MAPRE2: variants seen among roughly 807,000 people sequenced by gnomAD.
The protein encoded by MAPRE2 is microtubule-associated protein RP/EB family member 2.
MAPRE2 carries 13 observed loss-of-function variants against 43.2 expected under a neutral mutation model. The ratio of observed to expected loss-of-function variants is 0.30; its 90% CI spans 0.20 to 0.48. The LOEUF (loss-of-function observed/expected upper bound fraction) is 0.48. MAPRE2 is among the 20% of genes least tolerant of loss of function. The pLI, the probability that MAPRE2 is intolerant of heterozygous loss-of-function variation, is 0.99. For synonymous variants in MAPRE2, 135 were observed against 148.8 expected, an observed-to-expected ratio of 0.91 and a Z score of 0.68; for missense variants, 161 against 400.2, an observed-to-expected ratio of 0.40 and a Z score of 5.10.
At chr18:35,096,656 G>T (rs1908433035) in intron 2 of MAPRE2, among the ~76,000 whole-genome samples, 1 of 152,024 alleles carries the variant, frequency 6.6e-6, no homozygotes, top group Admixed American at 6.6e-5. Context: ...AAACCCCATT[G>T]CTCTGGACTG....
At chr18:35,005,731 A>C (rs548854899) in intron 2 of MAPRE2, among the ~76,000 whole-genome samples, 1 of 152,274 alleles carries the variant, frequency 6.6e-6, no homozygotes, top group South Asian at 2.1e-4. Flanking sequence ...CCATTTCCCA[A>C]GTGTACGAAG....
At chr18:35,030,919 C>A (rs755139216) in intron 2 of MAPRE2, among the ~76,000 whole-genome samples, 2 of 152,238 alleles carry the variant, frequency 1.3e-5, no homozygotes, top group Non-Finnish European at 2.9e-5. Context: ...GGCCTTTGCA[C>A]TTTCTGTTGG....
At chr18:35,048,531 A>G (rs1224945749) in intron 1 of MAPRE2, among the ~76,000 whole-genome samples, 1 of 150,288 alleles carries the variant, frequency 6.7e-6, no homozygotes, top group African/African-American at 2.4e-5. Flanking sequence ...ATTAACACAT[A>G]TACTACATAT....
At chr18:35,016,923 TC>T (rs2097038646) in intron 2 of MAPRE2, among the ~76,000 whole-genome samples, 1 of 151,964 alleles carries the variant, frequency 6.6e-6, no homozygotes, top group African/African-American at 2.4e-5. Context: ...TTTCTAGGAT[TC>T]TTACAAAGTC....
intron 4 of MAPRE2, among the ~76,000 whole-genome samples, chr18:35,125,944 A>C (rs781600494): frequency 6.6e-6 from 1 of 152,130 alleles, no homozygotes; most frequent in Non-Finnish European, 1.5e-5. Flanking sequence ...ACACATGTAA[A>C]TATCTTGTTC....
At chr18:35,032,722 T>C in intron 2 of MAPRE2, among the ~76,000 whole-genome samples, 1 of 152,142 alleles carries the variant, frequency 6.6e-6, no homozygotes, top group East Asian at 1.9e-4. Context: ...CCTGTTCTCA[T>C]GCTTCCAGCT....
chr18:35,034,703 A>C (rs1382548316), intron 2 of MAPRE2, among the ~76,000 whole-genome samples: 2 of 152,210 alleles, frequency 1.3e-5, no homozygotes, highest in Non-Finnish European at 2.9e-5. Context: ...TGGGCAAAGG[A>C]CATGAACAGA....
rs1910696075 is a variant in MAPRE2, at chr18:35,142,371, C to T, written c.*2002C>T. 6.6e-6 allele frequency: 1 copy of T among 152,282 alleles called. No homozygotes were observed. Among genetic ancestry groups the T allele is most frequent in the Non-Finnish European group, 1.5e-5 (1 of 68,072 alleles). 9.4% of individuals were successfully genotyped at this position (152,282 alleles called of 1,614,324 possible). ...CAGTCATACCCAATGCTCAGTGGAT[C>T]ATGACCAAACTCCTGTCATGTGGAT... On this transcript the variant is annotated 3_prime_UTR_variant, in exon 7 of 7. Coordinates refer to ENST00000300249, the MANE Select transcript of MAPRE2 (RefSeq NM_014268.4).
intron 2 of MAPRE2, among the ~76,000 whole-genome samples, chr18:35,009,129 C>T (rs62095403): frequency 9.9e-5 from 15 of 151,852 alleles, no homozygotes; most frequent in African/African-American, 2.4e-4. Context: ...TATATGTAAA[C>T]GACTTTAGTA....
chr18:34,994,524 AG>A (rs918588628), intron 1 of MAPRE2, among the ~76,000 whole-genome samples: 1 of 152,148 alleles, frequency 6.6e-6, no homozygotes, highest in African/African-American at 2.4e-5. Context: ...AGGCCAGAGA[AG>A]GTCCTGTTCC....
intron 4 of MAPRE2, among the ~76,000 whole-genome samples, chr18:35,113,918 T>C (rs1909292951): frequency 1.3e-5 from 2 of 152,290 alleles, no homozygotes; most frequent in South Asian, 4.1e-4. Flanking sequence ...GAAGGAGTCA[T>C]CAGTAATATT....
At chr18:35,064,000 T>TAAAAAAAAAAAAAAAAAAAAAA (rs575347953) in intron 1 of MAPRE2, among the ~76,000 whole-genome samples, 3 of 33,970 alleles carry the variant, frequency 8.8e-5, no homozygotes, top group Non-Finnish European at 1.5e-4. Flanking sequence ...CCTGTCTCTT[T>TAAAAAAAAAAAAAAAAAAAAAA]AAAAAAAAAA....
chr18:34,987,104 G>A (rs1412762324), intron 1 of MAPRE2, among the ~76,000 whole-genome samples: 1 of 152,076 alleles, frequency 6.6e-6, no homozygotes, highest in Non-Finnish European at 1.5e-5. Flanking sequence ...AGTAAAACAA[G>A]AACTAGAAAA....
At chr18:35,017,244 G>GTT (rs140257488) in intron 2 of MAPRE2, among the ~76,000 whole-genome samples, 2,484 of 126,078 alleles carry the variant, frequency 0.02, 63 homozygotes, top group African/African-American at 0.044. Flanking sequence ...CGGTTTTGTT[G>GTT]TTTTTTTTTT....
chr18:35,092,848 G>A (rs189211890), intron 2 of MAPRE2, among the ~76,000 whole-genome samples: 77 of 152,226 alleles, frequency 5.1e-4, no homozygotes, highest in Middle Eastern at 3.4e-3. Context: ...AATGTTCAAC[G>A]TCACTAATCA....
At chr18:35,091,667 T>C (rs1431691415) in intron 2 of MAPRE2, among the ~76,000 whole-genome samples, 1 of 152,094 alleles carries the variant, frequency 6.6e-6, no homozygotes, top group Non-Finnish European at 1.5e-5. Flanking sequence ...TGGGCTCCTT[T>C]GACTCCACTT....
chr18:35,087,925 A>G (rs1022192456), intron 2 of MAPRE2, among the ~76,000 whole-genome samples: 11 of 152,218 alleles, frequency 7.2e-5, no homozygotes, highest in African/African-American at 2.7e-4. Flanking sequence ...ATGCTGCGTC[A>G]TTCCATGGCA....
chr18:35,018,746 T>A (rs2097040079), intron 2 of MAPRE2, among the ~76,000 whole-genome samples: 1 of 151,996 alleles, frequency 6.6e-6, no homozygotes. Context: ...CAGCTATTGA[T>A]CTTGTTTATC....
chr18:35,072,769 AT>A (rs1411489537), intron 2 of MAPRE2, among the ~76,000 whole-genome samples: 1 of 152,174 alleles, frequency 6.6e-6, no homozygotes, highest in African/African-American at 2.4e-5. Flanking sequence ...GCGTGGCTTG[AT>A]TTAAAAACAC....
Sources: gnomAD v4.1 joint callset for allele counts (sites outside exome capture counted in the v4.1 genomes callset) on GRCh38, gnomAD v4.1.1 for gene constraint, MANE v1.5 for transcripts, NCBI Gene and HGNC (gene_info 2026-07-23, HGNC 2026-07-21) for gene names.